Variants in GRIK2 observed in about 807,000 individuals in gnomAD.
GRIK2 encodes the protein glutamate ionotropic receptor kainate type subunit 2.
Under a neutral mutation model 100.3 loss-of-function variants are expected in GRIK2, and 32 were observed. That is an observed-to-expected ratio of 0.32 (90% CI 0.24 to 0.43). The LOEUF (loss-of-function observed/expected upper bound fraction) is 0.43, where lower values mean the gene tolerates loss of function less well. Ranked by LOEUF, GRIK2 falls within the 20% of genes least tolerant of loss-of-function variation. The pLI is 1.00. For missense variants in GRIK2, 843 were observed against 1,114.9 expected (o/e 0.76, Z 3.47); for synonymous variants, 417 against 389.4 (o/e 1.07, Z -0.83).
intron 2 of GRIK2, among the ~76,000 whole-genome samples, chr6:101,413,064 A>C (rs1775956906): frequency 6.6e-6 from 1 of 152,084 alleles, no homozygotes; most frequent in African/African-American, 2.4e-5. Context: ...AAACTAGGAT[A>C]GAATTTTACC....
At chr6:101,570,420 G>A (rs1777475967) in intron 2 of GRIK2, among the ~76,000 whole-genome samples, 1 of 151,968 alleles carries the variant, frequency 6.6e-6, no homozygotes, top group South Asian at 2.1e-4. Context: ...TAAAGATAGA[G>A]TTTCATTCTC....
At chr6:101,593,376 A>G (rs1441126704) in intron 2 of GRIK2, among the ~76,000 whole-genome samples, 2 of 151,860 alleles carry the variant, frequency 1.3e-5, no homozygotes, top group African/African-American at 4.8e-5. Flanking sequence ...TCGTGTAATG[A>G]GCATCATAAT....
At chr6:101,463,758 G>C (rs1445479647) in intron 2 of GRIK2, among the ~76,000 whole-genome samples, 1 of 151,962 alleles carries the variant, frequency 6.6e-6, no homozygotes, top group African/African-American at 2.4e-5. Flanking sequence ...ACAAGGCAAA[G>C]AGACTCCAAC....
At position 101,926,552 on chromosome 6, in the gene GRIK2, T is replaced by A. The variant is rs185507904; in HGVS notation, c.1867+1833T>A. On this transcript the variant is annotated intron_variant, in intron 13 of 16. Transcript: ENST00000369134. ...GCTCATAGGACAAACTTGCTATTAG[T>A]AGTATTTAGGAATTAGAGGTAAAAC... Among the ~76,000 whole-genome samples, 434 of 152,304 alleles carry A rather than the reference T, an allele frequency of 2.8e-3. 1 individual carries two copies. Among genetic ancestry groups the A allele is most frequent in the Non-Finnish European group, 3.9e-3 (262 of 68,030 alleles).
At chr6:101,726,321 A>G (rs1193783637) in intron 7 of GRIK2, among the ~76,000 whole-genome samples, 1 of 152,070 alleles carries the variant, frequency 6.6e-6, no homozygotes, top group Non-Finnish European at 1.5e-5. Context: ...AGATTATAGC[A>G]GTGATTTTCC....
intron 14 of GRIK2, among the ~76,000 whole-genome samples, chr6:101,966,196 G>A (rs1004776620): frequency 4.6e-5 from 7 of 151,970 alleles, no homozygotes; most frequent in Non-Finnish European, 1.0e-4. Flanking sequence ...TCTCCCCTAT[G>A]AAACAATGTA....
intron 11 of GRIK2, among the ~76,000 whole-genome samples, chr6:101,878,116 TA>T (rs1785991037): frequency 2.1e-5 from 3 of 144,416 alleles, no homozygotes; most frequent in Non-Finnish European, 4.5e-5. Context: ...TATATTATAT[TA>T]TATTATATTA....
chr6:101,540,351 C>T (rs1775924983), intron 2 of GRIK2, among the ~76,000 whole-genome samples: 1 of 151,740 alleles, frequency 6.6e-6, no homozygotes, highest in South Asian at 2.1e-4. Context: ...ATAGGGTGCC[C>T]ATAGTCAATG....
chr6:101,431,570 G>C (rs1476800850), intron 2 of GRIK2: 1 of 152,058 alleles, frequency 6.6e-6, no homozygotes, highest in Non-Finnish European at 1.5e-5. Context: ...GCAGTGGCAA[G>C]TGAAAAAAAA....
chr6:102,052,285 G>A (rs558867330), intron 15 of GRIK2, among the ~76,000 whole-genome samples: 8 of 152,226 alleles, frequency 5.3e-5, no homozygotes, highest in African/African-American at 1.9e-4. Context: ...AGTAAAACAT[G>A]TCATTGATTT....
chr6:101,899,969 T>C (rs1787732586), intron 12 of GRIK2, among the ~76,000 whole-genome samples: 1 of 152,090 alleles, frequency 6.6e-6, no homozygotes, highest in African/African-American at 2.4e-5. Flanking sequence ...GGTAATAATC[T>C]AGTGATTTTA....
chr6:101,644,278 A>G (rs1292984628), intron 4 of GRIK2, among the ~76,000 whole-genome samples: 1 of 151,840 alleles, frequency 6.6e-6, no homozygotes, highest in East Asian at 1.9e-4. Context: ...AACAGAGATG[A>G]CATTTAAACT....
At position 101,484,538 on chromosome 6, in the gene GRIK2, T is replaced by TACACACACACAC. The variant is rs138774364; in HGVS notation, c.115+85166_115+85177dup. 9.5e-5 allele frequency among the ~76,000 whole-genome samples: 14 copies of TACACACACACAC among 148,030 alleles called. No individual in the cohort carries two copies. The East Asian group carries it at 9.9e-4, about 10-fold the overall frequency. On this transcript the variant is annotated intron_variant, in intron 2 of 16. Coordinates refer to ENST00000369134, the MANE Select transcript of GRIK2 (RefSeq NM_021956.5). Reference sequence around the variant, plus strand: ...AACATTTAAAATGTATATATGTAACTACACACACACACACACACACACACA... The same window carrying TACACACACACAC: ...AACATTTAAAATGTATATATGTAACTACACACACACACACACACACACACACACACACACACA...
intron 10 of GRIK2, among the ~76,000 whole-genome samples, chr6:101,850,180 A>T (rs1461924111): frequency 6.6e-6 from 1 of 152,002 alleles, no homozygotes; most frequent in East Asian, 1.9e-4. Flanking sequence ...ACGTGTAAAT[A>T]AATACAGGAT....
intron 2 of GRIK2, among the ~76,000 whole-genome samples, chr6:101,417,244 C>T (rs1426255625): frequency 6.6e-6 from 1 of 152,108 alleles, no homozygotes; most frequent in East Asian, 1.9e-4. Flanking sequence ...AATCACCTCC[C>T]ACCAGGTCCC....
In GRIK2 at chr6:101,488,208, A is replaced by G. The variant is rs148702397; in HGVS notation, c.115+88816A>G. Among the ~76,000 whole-genome samples the G allele has an allele frequency of 1.9e-4, 28 of 146,648 alleles. 6 individuals are homozygous for G. The highest frequency in any genetic ancestry group is 6.2e-4 in the African/African-American group (24 of 38,624). On this transcript the variant is annotated intron_variant, in intron 2 of 16. Coordinates refer to ENST00000369134, the MANE Select transcript of GRIK2 (RefSeq NM_021956.5). ...TTAACCAAATTATTCTGTCTTGTTT[A>G]ACTGTTATTAAAGAATATAAAGAAT...
chr6:101,723,683 A>G (rs929368076), intron 7 of GRIK2, among the ~76,000 whole-genome samples: 14 of 152,032 alleles, frequency 9.2e-5, no homozygotes, highest in Non-Finnish European at 4.4e-5. Context: ...TAATGAATAA[A>G]TAGTAAGTGA....
At chr6:101,548,164 G>T (rs1048105944) in intron 2 of GRIK2, among the ~76,000 whole-genome samples, 8 of 152,074 alleles carry the variant, frequency 5.3e-5, no homozygotes, top group South Asian at 4.1e-4. Context: ...TTTTGATGGG[G>T]TTGTTTGTTT....
At chr6:101,907,149 A>T (rs187480449) in intron 12 of GRIK2, among the ~76,000 whole-genome samples, 2 of 151,904 alleles carry the variant, frequency 1.3e-5, no homozygotes, top group East Asian at 3.9e-4. Flanking sequence ...TATATTAGAT[A>T]TATAACATTT....
Sources: gnomAD v4.1 joint callset for allele counts (sites outside exome capture counted in the v4.1 genomes callset) on GRCh38, gnomAD v4.1.1 for gene constraint, MANE v1.5 for transcripts, NCBI Gene and HGNC (gene_info 2026-07-23, HGNC 2026-07-21) for gene names.